Variants in CACNA2D3 observed in about 807,000 individuals in gnomAD.
CACNA2D3 encodes the protein voltage-dependent calcium channel subunit alpha-2/delta-3.
CACNA2D3 carries 60 observed loss-of-function variants against 160.6 expected under a neutral mutation model. The ratio of observed to expected loss-of-function variants is 0.37; its 90% CI spans 0.30 to 0.46. The LOEUF is 0.46. CACNA2D3 is among the 20% of genes least tolerant of loss of function. The pLI, the probability that CACNA2D3 is intolerant of heterozygous loss-of-function variation, is 1.00. For missense variants in CACNA2D3, 1,205 were observed against 1,365.0 expected (o/e 0.88, Z 1.85); for synonymous variants, 558 against 492.9 (o/e 1.13, Z -1.75).
At chr3:54,293,931 A>C (rs967924302) in intron 2 of CACNA2D3, among the ~76,000 whole-genome samples, 1 of 152,224 alleles carries the variant, frequency 6.6e-6, no homozygotes, top group African/African-American at 2.4e-5. Flanking sequence ...AAAAGAGTGC[A>C]TGCCTGAAAC....
chr3:54,969,965 T>TA (rs113492437), intron 29 of CACNA2D3, 121 bp downstream of exon 29: 173,857 of 478,152 alleles, frequency 0.36, 14,623 homozygotes, highest in Admixed American at 0.49. Context: ...TGGGCCAATC[T>TA]AAAAAAAAAA....
At chr3:54,930,960 A>C (rs572469735) in intron 27 of CACNA2D3, among the ~76,000 whole-genome samples, 2 of 152,086 alleles carry the variant, frequency 1.3e-5, no homozygotes, top group African/African-American at 4.8e-5. Flanking sequence ...GCTGGGCGTG[A>C]TGGTGGCCTT....
At chr3:54,612,095 C>G (rs539046658) in intron 9 of CACNA2D3, among the ~76,000 whole-genome samples, 3 of 152,166 alleles carry the variant, frequency 2.0e-5, no homozygotes, top group African/African-American at 4.8e-5. Context: ...GTTTCCTTCC[C>G]CTTCCTCTGC....
intron 35 of CACNA2D3, among the ~76,000 whole-genome samples, chr3:55,041,656 C>T (rs1274928734): frequency 6.6e-6 from 1 of 151,984 alleles, no homozygotes; most frequent in African/African-American, 2.4e-5. Context: ...ATATTGTTCA[C>T]TTTCTATTTC....
At position 54,815,067 on chromosome 3, in the gene CACNA2D3, A is replaced by T. The variant is rs576630746; in HGVS notation, c.1381-1786A>T. Among the ~76,000 whole-genome samples, 22 of 152,338 alleles carry T rather than the reference A, an allele frequency of 1.4e-4. No homozygotes were observed. In the South Asian group the frequency reaches 4.6e-3, roughly 32 times the overall value. ...GTGAAAAGATGTTTAATATTTGAGA[A>T]GCTTTTTTAAAAGTGATTCCTCATT... On this transcript the variant is annotated intron_variant, in intron 13 of 37. Coordinates refer to ENST00000474759, the MANE Select transcript of CACNA2D3 (RefSeq NM_018398.3).
chr3:54,279,215 C>T (rs1413817740), intron 2 of CACNA2D3, among the ~76,000 whole-genome samples: 1 of 152,020 alleles, frequency 6.6e-6, no homozygotes, highest in Non-Finnish European at 1.5e-5. Context: ...ATGCACAAGT[C>T]CAAGCAGGGG....
chr3:54,949,249 A>G (rs1231355686), intron 27 of CACNA2D3, among the ~76,000 whole-genome samples: 1 of 152,188 alleles, frequency 6.6e-6, no homozygotes, highest in East Asian at 1.9e-4. Context: ...TAGCAGGTGG[A>G]GGGTGAAGCC....
chr3:54,485,066 C>T lies in CACNA2D3; in HGVS notation c.382-18426C>T, dbSNP rs184991518. 1.7e-3 allele frequency among the ~76,000 whole-genome samples: 253 copies of T among 152,072 alleles called. 3 individuals are homozygous for T. The highest frequency in any genetic ancestry group is 4.7e-3 in the African/African-American group (193 of 41,492). On this transcript the variant is annotated intron_variant, in intron 4 of 37. Transcript: ENST00000474759. ...TTCATCGTGTTGGCCAGGCTGGTCT[C>T]GATCTCCTGACCTCGTGATTTGCCC... is the stretch of plus-strand genomic sequence containing the variant.
intron 27 of CACNA2D3, among the ~76,000 whole-genome samples, chr3:54,922,970 G>C (rs1700897077): frequency 1.3e-5 from 2 of 152,146 alleles, no homozygotes; most frequent in African/African-American, 2.4e-5. Flanking sequence ...TGCCAGTTCA[G>C]TATTCCAAGT....
chr3:54,280,506 G>A (rs995594802), intron 2 of CACNA2D3, among the ~76,000 whole-genome samples: 2 of 151,912 alleles, frequency 1.3e-5, no homozygotes, highest in Non-Finnish European at 2.9e-5. Flanking sequence ...TGTAGTGTAG[G>A]GGGGACAGAA....
chr3:54,580,548 C>T (rs1208351680), intron 8 of CACNA2D3, among the ~76,000 whole-genome samples: 1 of 152,122 alleles, frequency 6.6e-6, no homozygotes, highest in Non-Finnish European at 1.5e-5. Context: ...GTTCTCTTCC[C>T]TCAGGAGCTC....
intron 30 of CACNA2D3, among the ~76,000 whole-genome samples, chr3:54,985,567 A>T (rs1702596780): frequency 6.6e-6 from 1 of 152,222 alleles, no homozygotes; most frequent in Admixed American, 6.5e-5. Context: ...CTAGACCTCT[A>T]GATAGGCTCT....
chr3:54,244,257 G>A (rs1215800331), intron 2 of CACNA2D3, among the ~76,000 whole-genome samples: 1 of 152,168 alleles, frequency 6.6e-6, no homozygotes, highest in Admixed American at 6.5e-5. Context: ...GAAGCGCCCC[G>A]AATCTGTGGC....
At chr3:54,644,033 T>A (rs1019823509) in intron 11 of CACNA2D3, among the ~76,000 whole-genome samples, 3 of 152,198 alleles carry the variant, frequency 2.0e-5, no homozygotes, top group Non-Finnish European at 4.4e-5. Context: ...TCACATGTTG[T>A]ATCACATGAA....
chr3:54,772,584 G>C (rs183518150), intron 13 of CACNA2D3, among the ~76,000 whole-genome samples: 1 of 151,980 alleles, frequency 6.6e-6, no homozygotes, highest in African/African-American at 2.4e-5. Flanking sequence ...CTGCTTGGCT[G>C]TTCTGTTCAA....
intron 2 of CACNA2D3, among the ~76,000 whole-genome samples, chr3:54,149,877 GTATC>G (rs139932375): frequency 0.052 from 5,467 of 105,556 alleles, 190 homozygotes; most frequent in Middle Eastern, 0.1. Context: ...CTGTCCTGAA[GTATC>G]TGTCTCTCTC....
At chr3:54,777,973 A>G (rs890219547) in intron 13 of CACNA2D3, among the ~76,000 whole-genome samples, 34 of 152,252 alleles carry the variant, frequency 2.2e-4, no homozygotes, top group Admixed American at 1.8e-3. Context: ...CTAAAGGCTC[A>G]CTGCTGGCTT....
intron 2 of CACNA2D3, among the ~76,000 whole-genome samples, chr3:54,300,985 C>T (rs1462144809): frequency 6.6e-6 from 1 of 151,436 alleles, no homozygotes; most frequent in African/African-American, 2.4e-5. Context: ...TGTACCACTA[C>T]ACTCTAGCCT....
intron 4 of CACNA2D3, among the ~76,000 whole-genome samples, chr3:54,442,767 A>G (rs1263544450): frequency 6.6e-6 from 1 of 152,114 alleles, no homozygotes; most frequent in African/African-American, 2.4e-5. Flanking sequence ...TGTCCATTCA[A>G]TATGTGTGAA....
Sources: gnomAD v4.1 joint callset for allele counts (sites outside exome capture counted in the v4.1 genomes callset) on GRCh38, gnomAD v4.1.1 for gene constraint, MANE v1.5 for transcripts, NCBI Gene and HGNC (gene_info 2026-07-23, HGNC 2026-07-21) for gene names.